The following ATAD5 variants were observed in gnomAD, a reference collection of about 807,000 sequenced individuals.
ATAD5 encodes the protein ATPase family AAA domain containing 5, also known as ATPase family AAA domain-containing protein 5.
ATAD5 carries 58 observed loss-of-function variants against 176.9 expected under a neutral mutation model. The observed-to-expected ratio is 0.33, with a 90% confidence interval of 0.27 to 0.41. The LOEUF is 0.41. Ranked by LOEUF, ATAD5 falls within the 10% of genes least tolerant of loss-of-function variation. The pLI is 1.00. For missense variants in ATAD5, 1,789 were observed against 2,094.1 expected (o/e 0.85, Z 2.84); for synonymous variants, 640 against 712.6 (o/e 0.90, Z 1.62).
In ATAD5 at chr17:30,893,884, T is replaced by C. The variant is rs1301738249; in HGVS notation, c.5031T>C (p.Phe1677=). Residue 1677 remains phenylalanine (F), a synonymous_variant, in exon 21 of 23, where the codon TTT becomes TTC. Coordinates refer to ENST00000321990, the MANE Select transcript of ATAD5 (RefSeq NM_024857.5). ...AAAACAAATACGGTAGAAATGACTT[T>C]AGTTGGACAAATGGAAAGGTTACAA... The part of the protein sequence containing the change: ...REQNKYGRND[F]SWTNGKVTSG... 1 of 1,613,910 alleles carries C rather than the reference T, an allele frequency of 6.2e-7. No homozygotes were observed. The highest frequency in any genetic ancestry group is 1.3e-5 in the African/African-American group (1 of 74,930).
intron 18 of ATAD5, 65 bp from the exon 19 acceptor site, chr17:30,887,127 G>C: frequency 7.4e-7 from 1 of 1,349,470 alleles, no homozygotes. Flanking sequence ...GATACTATTT[G>C]TATGTATTAT....
chr17:30,843,495 C>T (rs1377863294), intron 4 of ATAD5, among the ~76,000 whole-genome samples: 6 of 151,770 alleles, frequency 4.0e-5, no homozygotes, highest in Non-Finnish European at 8.8e-5. Context: ...ACTAAAAATA[C>T]AAAAATTAGC....
In ATAD5 at chr17:30,858,249, A is replaced by G. The variant is rs759341183; in HGVS notation, c.2882A>G (p.Lys961Arg). 1 of 1,599,816 alleles carries G rather than the reference A, an allele frequency of 6.3e-7. No individual in the cohort carries two copies. Among genetic ancestry groups the G allele is most frequent in the Admixed American group, 1.7e-5 (1 of 58,370 alleles). Residue 961 changes from lysine to arginine, a missense_variant, in exon 9 of 23, where the codon AAA (lysine) becomes AGA (arginine). Around this residue, in one of 6 missense-constraint regions of ATAD5, gnomAD observed 487 missense variants for 573.6 expected, o/e 0.85. Coordinates refer to ENST00000321990, the MANE Select transcript of ATAD5 (RefSeq NM_024857.5). ...TGGTCAAATCCTGAATTTTCATTGA[A>G]AAAATATTTTCCCTTACTCCTAAAA... ...IRWSNPEFSL[K>R]KYFPLLLKKQ...
chr17:30,833,682 G>A (rs11656462), intron 1 of ATAD5, among the ~76,000 whole-genome samples: 20,019 of 152,092 alleles, frequency 0.13, 1,456 homozygotes, highest in South Asian at 0.24. Context: ...TACATGTATG[G>A]TTTCTTTTTG....
At chr17:30,891,177 C>T (rs1909621622) in intron 19 of ATAD5, among the ~76,000 whole-genome samples, 1 of 152,082 alleles carries the variant, frequency 6.6e-6, no homozygotes, top group Non-Finnish European at 1.5e-5. Flanking sequence ...TCAGACTGCC[C>T]TCTGATGATA....
Position 30,855,190 on chromosome 17 carries a change from C to G in ATAD5, c.2498C>G (p.Ala833Gly), listed in dbSNP as rs201684026. Residue 833 changes from alanine to glycine, a missense_variant, in exon 7 of 23, where the codon GCA (alanine) becomes GGA (glycine). Physicochemically the swap from Ala to Gly is moderately conservative, Grantham distance 60 (BLOSUM62 0). Around this residue, in one of 6 missense-constraint regions of ATAD5, gnomAD observed 487 missense variants for 573.6 expected, o/e 0.85. Coordinates refer to ENST00000321990, the MANE Select transcript of ATAD5 (RefSeq NM_024857.5). Reference protein sequence around the residue: ...KSQDCDVQCKAKRDFLMSGLP... With the variant: ...KSQDCDVQCKGKRDFLMSGLP... Reference sequence around the variant, plus strand: ...CAGGATTGTGATGTTCAATGTAAAGCAAAGCGTGACTTCCTAATGAGTGGT... The same window carrying G: ...CAGGATTGTGATGTTCAATGTAAAGGAAAGCGTGACTTCCTAATGAGTGGT... 10 of 1,612,810 alleles carry G rather than the reference C, an allele frequency of 6.2e-6. No individual in the cohort carries two copies. The South Asian group carries it at 1.1e-4, about 18-fold the overall frequency.
intron 4 of ATAD5, among the ~76,000 whole-genome samples, chr17:30,843,066 GCCTTTT>G (rs1330175201): frequency 6.6e-6 from 1 of 151,064 alleles, no homozygotes; most frequent in Non-Finnish European, 1.5e-5. Flanking sequence ...AAAAAAGAAA[GCCTTTT>G]TGGGCCTGGT....
intron 4 of ATAD5, among the ~76,000 whole-genome samples, chr17:30,843,230 T>G (rs1354737386): frequency 3.3e-5 from 5 of 151,674 alleles, no homozygotes; most frequent in Non-Finnish European, 5.9e-5. Flanking sequence ...TGTGCGCCTG[T>G]AGTCCTGGCT....
In ATAD5 at chr17:30,832,363, G is replaced by A; in HGVS notation, c.16G>A (p.Ala6Thr). Reference sequence around the variant, plus strand: ...AGCGGGGAGTATGGTGGGGGTCCTGGCCATGGCGGCTGCAGCTGCTCCGCC... The same window carrying A: ...AGCGGGGAGTATGGTGGGGGTCCTGACCATGGCGGCTGCAGCTGCTCCGCC... MVGVL[A>T]MAAAAAPPPV... Residue 6 changes from alanine to threonine, a missense_variant, in exon 1 of 23, where the codon GCC (alanine) becomes ACC (threonine). Around this residue, in one of 6 missense-constraint regions of ATAD5, gnomAD observed 696 missense variants for 712.5 expected, o/e 0.98. Coordinates refer to ENST00000321990, the MANE Select transcript of ATAD5 (RefSeq NM_024857.5). The A allele has an allele frequency of 6.4e-7, 1 of 1,563,676 alleles. No individual in the cohort carries two copies. Among genetic ancestry groups the A allele is most frequent in the Non-Finnish European group, 8.7e-7 (1 of 1,153,936 alleles).
In ATAD5 at chr17:30,876,549, A is replaced by G. The variant is rs767797847; in HGVS notation, c.3783A>G (p.Lys1261=). 15 of 1,530,686 alleles carry G rather than the reference A, an allele frequency of 9.8e-6. No homozygotes were observed. Among genetic ancestry groups the G allele is most frequent in the Non-Finnish European group, 1.3e-5 (15 of 1,122,808 alleles). 94.8% of individuals were successfully genotyped at this position (1,530,686 alleles called of 1,614,324 possible). ...TAGGAATGCTTCTGGAAAATAATAA[A>G]GGTAAGACATTAAATTGACAAATTT... The part of the protein sequence containing the change: ...EEIGMLLENN[K]GIKNSFEQKQ... Residue 1261 remains lysine, a splice_region_variant and synonymous_variant, in exon 15 of 23, where the codon AAA becomes AAG. Transcript: ENST00000321990.
Position 30,882,493 on chromosome 17 carries a change from G to A in ATAD5, c.4077+3006G>A, listed in dbSNP as rs1025900087. 3.9e-5 allele frequency among the ~76,000 whole-genome samples: 6 copies of A among 152,262 alleles called. 1 individual carries two copies. In the South Asian group the frequency reaches 6.2e-4, roughly 16 times the overall value. On this transcript the variant is annotated intron_variant, in intron 18 of 22. Transcript: ENST00000321990. The stretch of plus-strand genomic sequence containing the variant: ...TAGTCCCAGCTACTTGGGAGGCTAA[G>A]GCAAGAGGATTGCTTGAGCCTGGGA...
Position 30,832,706 on chromosome 17 carries a change from G to A in ATAD5, c.66+293G>A, listed in dbSNP as rs147862656. Among the ~76,000 whole-genome samples, 451 of 151,782 alleles carry A rather than the reference G, an allele frequency of 3.0e-3. 2 individuals are homozygous for A. The highest frequency in any genetic ancestry group is 0.027 in the Middle Eastern group (8 of 294). The stretch of plus-strand genomic sequence containing the variant: ...AAATGTTGGTGGAACGTGATGTTTT[G>A]GACTTCCGACATGTCACAGAGGATC... On this transcript the variant is annotated intron_variant, in intron 1 of 22. Transcript: ENST00000321990.
At position 30,869,927 on chromosome 17, in the gene ATAD5, T is replaced by C. The variant is rs1908242630; in HGVS notation, c.3607+281T>C. The C allele has an allele frequency of 1.7e-5, 5 of 292,560 alleles. No individual in the cohort carries two copies. The East Asian group carries it at 4.6e-4, about 27-fold the overall frequency. 18.1% of individuals were successfully genotyped at this position (292,560 alleles called of 1,614,324 possible). On this transcript the variant is annotated intron_variant, in intron 14 of 22. Transcript: ENST00000321990. ...GAGTTAACAACCAGCCTAAGCAGCA[T>C]AGCGAGACCTTGTCTCTACAAATAA... is the stretch of plus-strand genomic sequence containing the variant.
intron 10 of ATAD5, among the ~76,000 whole-genome samples, chr17:30,861,191 A>AC (rs1175486414): frequency 9.2e-5 from 8 of 86,668 alleles, no homozygotes; most frequent in East Asian, 4.0e-4. Context: ...CAGGTGATCC[A>AC]CCCCCCACCC....
At chr17:30,877,921 T>C (rs1455455177) in intron 16 of ATAD5, 82 bp from the exon 17 acceptor site, 1 of 1,007,980 alleles carries the variant, frequency 9.9e-7, no homozygotes, top group Non-Finnish European at 1.4e-6. Flanking sequence ...ATTTTGTCTC[T>C]AACAGACATA....
intron 18 of ATAD5, among the ~76,000 whole-genome samples, chr17:30,885,348 T>C (rs1262386153): frequency 6.6e-6 from 1 of 152,102 alleles, no homozygotes; most frequent in African/African-American, 2.4e-5. Context: ...AACTGTCAGT[T>C]TCTTAGGTTT....
chr17:30,872,644 C>G (rs1166206985), intron 14 of ATAD5, among the ~76,000 whole-genome samples: 2 of 151,730 alleles, frequency 1.3e-5, no homozygotes, highest in African/African-American at 4.8e-5. Context: ...CAAGCTCTGC[C>G]TCCCAGGTTC....
intron 6 of ATAD5, among the ~76,000 whole-genome samples, chr17:30,845,266 T>C (rs36056619): frequency 0.1 from 15,972 of 152,234 alleles, 950 homozygotes; most frequent in South Asian, 0.24. Context: ...CCTGTCCTCC[T>C]GTGGCTTAAG....
Position 30,893,439 on chromosome 17 carries a change from G to A in ATAD5, c.4586G>A (p.Cys1529Tyr). ...VDTIPETKNFCGPSVTVDASA... is the reference protein window; with the variant it reads ...VDTIPETKNFYGPSVTVDASA... The stretch of plus-strand genomic sequence containing the variant: ...ACCATTCCAGAAACTAAAAACTTTT[G>A]TGGCCCATCAGTAACTGTGGATGCC... Residue 1529 changes from cysteine (C) to tyrosine (Y), a missense_variant, in exon 21 of 23, where the codon TGT becomes TAT. By Grantham distance (194) the Cys-to-Tyr change is radical. This residue lies in a region of ATAD5 where 403 missense variants were observed against 495.1 expected (regional missense o/e 0.81). Coordinates refer to ENST00000321990, the MANE Select transcript of ATAD5 (RefSeq NM_024857.5). 1 of 1,613,752 alleles carries A rather than the reference G, an allele frequency of 6.2e-7. No individual in the cohort carries two copies. The highest frequency in any genetic ancestry group is 1.1e-5 in the South Asian group (1 of 91,044).
Sources: allele counts gnomAD v4.1 joint callset (sites outside exome capture counted in the v4.1 genomes callset), GRCh38; gene constraint gnomAD v4.1.1; regional missense constraint gnomAD v4.1.1; transcripts MANE v1.5; gene names NCBI Gene and HGNC (gene_info 2026-07-23, HGNC 2026-07-21).